Variants in NBEA observed in about 807,000 individuals in gnomAD.
NBEA encodes neurobeachin.
In NBEA, 44 loss-of-function variants were observed where a neutral mutation model predicts 343.4. That is an observed-to-expected ratio of 0.13 (90% CI 0.10 to 0.16). The LOEUF is 0.16. Ranked by LOEUF, NBEA falls within the 10% of genes least tolerant of loss-of-function variation. NBEA has a pLI of 1.00. For missense variants in NBEA, 2,555 were observed against 3,631.3 expected (o/e 0.70, Z 7.62); for synonymous variants, 1,175 against 1,238.7 (o/e 0.95, Z 1.08).
intron 41 of NBEA, chr13:35,475,386 G>A: frequency 6.2e-7 from 1 of 1,613,890 alleles, no homozygotes; most frequent in East Asian, 2.2e-5. Flanking sequence ...TGAGGATGGA[G>A]AGGCACTTCT....
chr13:35,255,013 C>T (rs2032423392), intron 34 of NBEA, among the ~76,000 whole-genome samples: 1 of 151,948 alleles, frequency 6.6e-6, no homozygotes, highest in Non-Finnish European at 1.5e-5. Flanking sequence ...TAAAGTTTTA[C>T]CTGTTGCTTG....
chr13:35,631,638 TAAAAAA>T (rs59333937), intron 49 of NBEA, among the ~76,000 whole-genome samples: 36,207 of 126,648 alleles, frequency 0.29, 4,790 homozygotes, highest in East Asian at 0.38. Flanking sequence ...GTCTCCTTTG[TAAAAAA>T]AAAAAAAAAA....
chr13:35,063,104 A>T (rs924483267), intron 8 of NBEA, among the ~76,000 whole-genome samples: 7 of 152,044 alleles, frequency 4.6e-5, no homozygotes, highest in African/African-American at 1.4e-4. Context: ...ACAAAAGCTC[A>T]GTTGAAAGGA....
chr13:35,476,437 T>C, intron 41 of NBEA: 1 of 933,030 alleles, frequency 1.1e-6, no homozygotes, highest in Non-Finnish European at 1.7e-6. Context: ...CTCTTCCTCT[T>C]TTAAAGAATC....
At chr13:35,280,305 G>A (rs2034965127) in intron 34 of NBEA, among the ~76,000 whole-genome samples, 1 of 151,892 alleles carries the variant, frequency 6.6e-6, no homozygotes, top group South Asian at 2.1e-4. Context: ...AATATCTGAG[G>A]CTCTACATCC....
intron 8 of NBEA, among the ~76,000 whole-genome samples, chr13:35,063,854 G>T (rs1346049141): frequency 6.6e-6 from 1 of 151,980 alleles, no homozygotes; most frequent in Non-Finnish European, 1.5e-5. Context: ...TTTGGAGGTA[G>T]TGCCAGTAGG....
intron 33 of NBEA, among the ~76,000 whole-genome samples, chr13:35,226,922 T>C (rs962012358): frequency 2.6e-5 from 4 of 152,080 alleles, no homozygotes; most frequent in Non-Finnish European, 5.9e-5. Context: ...ATCTTAAAAC[T>C]TGAAAAATGT....
At chr13:35,232,669 A>G in intron 34 of NBEA, 50 bp downstream of exon 34, 1 of 1,291,408 alleles carries the variant, frequency 7.7e-7, no homozygotes, top group South Asian at 1.8e-5. Flanking sequence ...TGTATGTATT[A>G]ATCATGGCAT....
chr13:35,308,452 A>ATATATATATATATG (rs2037064083), intron 35 of NBEA, among the ~76,000 whole-genome samples: 2 of 117,734 alleles, frequency 1.7e-5, no homozygotes, highest in African/African-American at 4.0e-5. Context: ...ATATATATAT[A>ATATATATATATATG]TATATATATA....
chr13:35,150,810 A>AGAGTG (rs2068731453), intron 18 of NBEA, among the ~76,000 whole-genome samples: 1 of 151,804 alleles, frequency 6.6e-6, no homozygotes, highest in Non-Finnish European at 1.5e-5. Flanking sequence ...AGAGTAGAGT[A>AGAGTG]GAGTAGAGTA....
intron 34 of NBEA, among the ~76,000 whole-genome samples, chr13:35,244,645 G>A (rs1157746230): frequency 1.3e-5 from 2 of 151,910 alleles, no homozygotes; most frequent in Non-Finnish European, 1.5e-5. Context: ...TTCTAGTTCC[G>A]TGAAGAATGA....
At chr13:35,549,065 A>G (rs1466326560) in intron 41 of NBEA, among the ~76,000 whole-genome samples, 1 of 152,178 alleles carries the variant, frequency 6.6e-6, no homozygotes, top group Non-Finnish European at 1.5e-5. Flanking sequence ...AAAATACTGT[A>G]GTTGGTAAAT....
intron 38 of NBEA, among the ~76,000 whole-genome samples, chr13:35,420,428 C>T (rs1313423815): frequency 1.3e-5 from 2 of 151,724 alleles, no homozygotes; most frequent in Non-Finnish European, 2.9e-5. Context: ...TACATTGATT[C>T]TTAAGGATTT....
intron 1 of NBEA, among the ~76,000 whole-genome samples, chr13:34,983,639 C>T (rs1309844148): frequency 6.6e-6 from 1 of 152,218 alleles, no homozygotes; most frequent in East Asian, 1.9e-4. Context: ...CTCTCACCAA[C>T]AGTGTAAAAT....
chr13:35,075,799 G>A (rs527699345), intron 10 of NBEA, among the ~76,000 whole-genome samples: 32 of 152,016 alleles, frequency 2.1e-4, no homozygotes, highest in African/African-American at 7.7e-4. Flanking sequence ...TAGCACTATT[G>A]TAATACATAA....
intron 55 of NBEA, 127 bp downstream of exon 55, chr13:35,655,876 A>C: frequency 1.3e-6 from 1 of 784,534 alleles, no homozygotes; most frequent in East Asian, 2.7e-5. Flanking sequence ...TTAAGTGGCC[A>C]AAATCTGTAC....
intron 33 of NBEA, among the ~76,000 whole-genome samples, chr13:35,219,919 A>T (rs1014006389): frequency 2.6e-5 from 4 of 152,168 alleles, no homozygotes; most frequent in Non-Finnish European, 5.9e-5. Context: ...TGTTAATCTT[A>T]TCAATAGATA....
Position 35,352,069 on chromosome 13 carries a change from C to T in NBEA, c.6013-88C>T, listed in dbSNP as rs969052070. 14 of 775,530 alleles carry T rather than the reference C, an allele frequency of 1.8e-5. 1 individual carries two copies. The highest frequency in any genetic ancestry group is 4.3e-5 in the Admixed American group (1 of 23,456). The allele number at this position is 775,530 out of a possible 1,614,324, so 48.0% of individuals were successfully genotyped here. On this transcript the variant is annotated intron_variant, in intron 37 of 58. Transcript: ENST00000379939. ...TATTTGAGTTTTAAAAAGTTGAATT[C>T]CTGTTACCGTTTAACTTAAATGTAT... is the stretch of plus-strand genomic sequence containing the variant.
At chr13:35,099,927 A>T (rs1035087083) in intron 11 of NBEA, among the ~76,000 whole-genome samples, 5 of 152,118 alleles carry the variant, frequency 3.3e-5, no homozygotes, top group Non-Finnish European at 7.4e-5. Context: ...TATGTCTTTT[A>T]TTAGCACTCT....
Sources: allele counts gnomAD v4.1 joint callset (sites outside exome capture counted in the v4.1 genomes callset), GRCh38; gene constraint gnomAD v4.1.1; transcripts MANE v1.5; gene names NCBI Gene and HGNC (gene_info 2026-07-23, HGNC 2026-07-21).